Variants in RAD51B observed in about 807,000 individuals in gnomAD.
The protein encoded by RAD51B is DNA repair protein RAD51 homolog 2.
A neutral mutation model predicts 42.2 loss-of-function variants in RAD51B; 38 were observed. The ratio of observed to expected loss-of-function variants is 0.90; its 90% CI spans 0.70 to 1.18. The LOEUF (loss-of-function observed/expected upper bound fraction) is 1.18. RAD51B is among the 50% of genes most tolerant of loss of function. The pLI, the probability that RAD51B is intolerant of heterozygous loss-of-function variation, is 0.00. For synonymous variants in RAD51B, 154 were observed against 145.2 expected, an observed-to-expected ratio of 1.06 and a Z score of -0.43; for missense variants, 373 against 400.7, an observed-to-expected ratio of 0.93 and a Z score of 0.59.
rs10650896 is a variant in RAD51B at position 68,156,455 on chromosome 14, TTCTCTCTCTCTCTC to T, written c.757-135401_757-135388del. On this transcript the variant is annotated intron_variant, in intron 7 of 10. Coordinates refer to ENST00000471583, the MANE Select transcript of RAD51B (RefSeq NM_133510.4). ...AAGTCAAGAAAGCACCTTAGAAAAT[TTCTCTCTCTCTCTC>T]TCTCTCTCTCTCTCTCTCTCTCTCT... is the stretch of plus-strand genomic sequence containing the variant. Among the ~76,000 whole-genome samples the T allele has an allele frequency of 1.7e-3, 193 of 114,344 alleles. 1 individual carries two copies. The highest frequency in any genetic ancestry group is 4.7e-3 in the African/African-American group (137 of 28,952). 75.0% of individuals were successfully genotyped at this position (114,344 alleles called of 152,430 possible).
chr14:68,005,139 C>T (rs1008701150), intron 7 of RAD51B, among the ~76,000 whole-genome samples: 5 of 149,672 alleles, frequency 3.3e-5, no homozygotes, highest in African/African-American at 9.9e-5. Context: ...CTGCAACCTC[C>T]GCATCCCACG....
chr14:68,611,301 A>G, exon 11 of RAD51B: 1 of 699,084 alleles, frequency 1.4e-6, no homozygotes, highest in Non-Finnish European at 2.6e-6. Context: ...ATCCGACAGC[A>G]ACTATAATTC....
intron 8 of RAD51B, among the ~76,000 whole-genome samples, chr14:68,301,184 A>T (rs1350939899): frequency 2.0e-5 from 3 of 152,162 alleles, no homozygotes; most frequent in Non-Finnish European, 1.5e-5. Context: ...AGGTAATCAC[A>T]TTTCCTGGCA....
Position 68,207,451 on chromosome 14 carries a change from A to G in RAD51B, c.757-84433A>G, listed in dbSNP as rs117079124. Reference sequence around the variant, plus strand: ...AAGATAGAAAATCGAAATTCACATGACAGGGTGAAGCATAGTGATTAAGAT... The same window carrying G: ...AAGATAGAAAATCGAAATTCACATGGCAGGGTGAAGCATAGTGATTAAGAT... On this transcript the variant is annotated intron_variant, in intron 7 of 10. Coordinates refer to ENST00000471583, the MANE Select transcript of RAD51B (RefSeq NM_133510.4). Among the ~76,000 whole-genome samples the G allele has an allele frequency of 6.1e-4, 93 of 152,326 alleles. 3 individuals carry two copies. In the East Asian group the frequency reaches 0.015, roughly 25 times the overall value.
At chr14:68,391,170 C>CTTTCTTTCTT (rs2083745524) in intron 8 of RAD51B, among the ~76,000 whole-genome samples, 1 of 151,124 alleles carries the variant, frequency 6.6e-6, no homozygotes, top group East Asian at 1.9e-4. Flanking sequence ...TTCTTTCTTT[C>CTTTCTTTCTT]TTTCTTTCTT....
chr14:68,610,843 A>ATGTGTGTGTGTGTGTGTGTGTG (rs60173412), intron 10 of RAD51B, among the ~76,000 whole-genome samples: 4 of 144,994 alleles, frequency 2.8e-5, no homozygotes, highest in East Asian at 2.0e-4. Flanking sequence ...CTGAATGTAT[A>ATGTGTGTGTGTGTGTGTGTGTG]TGTGTGTGTG....
chr14:68,271,220 A>G (rs2139585314), intron 7 of RAD51B, among the ~76,000 whole-genome samples: 1 of 152,340 alleles, frequency 6.6e-6, no homozygotes, highest in African/African-American at 2.4e-5. Context: ...AAGGATTTCT[A>G]TCTGTTTTAT....
intron 8 of RAD51B, among the ~76,000 whole-genome samples, chr14:68,326,939 A>T (rs934467863): frequency 2.0e-5 from 3 of 151,998 alleles, no homozygotes; most frequent in Non-Finnish European, 2.9e-5. Flanking sequence ...ATCAAGAGGC[A>T]CAGCCAGTCC....
In RAD51B at chr14:68,202,782, A is replaced by G. The variant is rs1029501342; in HGVS notation, c.757-89102A>G. Reference sequence around the variant, plus strand: ...TTTTTAGTAGAGACGGGGTTTCTCCATGTTGGTCAGGCTGGTCTCGAACTC... The same window carrying G: ...TTTTTAGTAGAGACGGGGTTTCTCCGTGTTGGTCAGGCTGGTCTCGAACTC... On this transcript the variant is annotated intron_variant, in intron 7 of 10. Transcript: ENST00000471583. 3.3e-5 allele frequency among the ~76,000 whole-genome samples: 5 copies of G among 151,724 alleles called. No individual in the cohort carries two copies. In the South Asian group the frequency reaches 8.3e-4, roughly 25 times the overall value.
chr14:68,284,758 G>GTTTTT (rs1030355894), intron 7 of RAD51B, among the ~76,000 whole-genome samples: 1 of 144,590 alleles, frequency 6.9e-6, no homozygotes, highest in South Asian at 2.2e-4. Context: ...TTATTTTTGT[G>GTTTTT]TTTTTTTTTT....
intron 10 of RAD51B, among the ~76,000 whole-genome samples, chr14:68,632,396 G>A (rs1474708657): frequency 2.6e-5 from 4 of 152,160 alleles, no homozygotes; most frequent in African/African-American, 4.8e-5. Context: ...CACAGGAGCC[G>A]CTCGGCCGTC....
At chr14:67,910,764 G>A (rs772270874) in intron 7 of RAD51B, among the ~76,000 whole-genome samples, 4 of 151,052 alleles carry the variant, frequency 2.6e-5, no homozygotes, top group East Asian at 1.9e-4. Flanking sequence ...CCTTTACAAC[G>A]TTAGGGCTGA....
At chr14:68,359,772 G>A (rs1464828284) in intron 8 of RAD51B, among the ~76,000 whole-genome samples, 1 of 152,212 alleles carries the variant, frequency 6.6e-6, no homozygotes, top group East Asian at 1.9e-4. Flanking sequence ...TAAAAAGAGT[G>A]GTGGTGGTTC....
At chr14:68,280,700 G>A (rs561437133) in intron 7 of RAD51B, among the ~76,000 whole-genome samples, 1 of 152,304 alleles carries the variant, frequency 6.6e-6, no homozygotes, top group South Asian at 2.1e-4. Context: ...CATAGAGAGA[G>A]AAGGATAACA....
chr14:67,989,971 T>C (rs1465201014), intron 7 of RAD51B, among the ~76,000 whole-genome samples: 1 of 151,452 alleles, frequency 6.6e-6, no homozygotes, highest in Admixed American at 6.6e-5. Context: ...GGTAGCCATA[T>C]ACAGTGATTT....
intron 7 of RAD51B, among the ~76,000 whole-genome samples, chr14:67,969,773 G>A (rs1336744202): frequency 6.6e-6 from 1 of 152,050 alleles, no homozygotes; most frequent in Admixed American, 6.6e-5. Flanking sequence ...TATTTATAAT[G>A]ATCATTTAAT....
chr14:67,864,363 A>C (rs139171383), intron 4 of RAD51B, among the ~76,000 whole-genome samples: 1 of 152,256 alleles, frequency 6.6e-6, no homozygotes, highest in Non-Finnish European at 1.5e-5. Context: ...GACATTTCAA[A>C]GTAGGAATCA....
rs2044648491 is a variant in RAD51B at position 67,929,500 on chromosome 14, A to G, written c.756+42296A>G. ...AAAGATTAGTTTTATAGCCTAACAT[A>G]TGGTAAATCCTGGAGAATTTTCTAT... On this transcript the variant is annotated intron_variant, in intron 7 of 10. Coordinates refer to ENST00000471583, the MANE Select transcript of RAD51B (RefSeq NM_133510.4). Among the ~76,000 whole-genome samples the G allele has an allele frequency of 3.3e-5, 5 of 152,176 alleles. No homozygotes were observed. In the South Asian group the frequency reaches 8.3e-4, roughly 25 times the overall value.
intron 7 of RAD51B, among the ~76,000 whole-genome samples, chr14:68,232,546 A>C (rs1350006106): frequency 6.6e-6 from 1 of 152,212 alleles, no homozygotes; most frequent in African/African-American, 2.4e-5. Context: ...TCTGAGAATG[A>C]TATCCATTGG....
Sources: gnomAD v4.1 joint callset for allele counts (sites outside exome capture counted in the v4.1 genomes callset) on GRCh38, gnomAD v4.1.1 for gene constraint, MANE v1.5 for transcripts, NCBI Gene and HGNC (gene_info 2026-07-23, HGNC 2026-07-21) for gene names.